Variants in KDM4C observed in about 807,000 individuals in gnomAD.
The protein encoded by KDM4C is lysine-specific demethylase 4C.
KDM4C carries 81 observed loss-of-function variants against 129.3 expected under a neutral mutation model. The observed-to-expected ratio is 0.63, with a 90% CI of 0.52 to 0.75. The LOEUF (loss-of-function observed/expected upper bound fraction) is 0.75. Among genes scored for constraint, KDM4C ranks in the 30% least tolerant of loss-of-function variants. The pLI, the probability that KDM4C is intolerant of heterozygous loss-of-function variation, is 0.00. For missense variants in KDM4C, 1,457 were observed against 1,304.0 expected (o/e 1.12, Z -1.81); for synonymous variants, 573 against 456.1 (o/e 1.26, Z -3.26).
intron 4 of KDM4C, chr9:6,818,966 A>C (rs1832581967): frequency 6.6e-6 from 1 of 152,134 alleles, no homozygotes; most frequent in Non-Finnish European, 1.5e-5. Context: ...TGTGCGTTGT[A>C]ACCTGGCAAA....
chr9:6,969,811 C>T (rs1352737825), intron 8 of KDM4C, among the ~76,000 whole-genome samples: 1 of 152,182 alleles, frequency 6.6e-6, no homozygotes, highest in Non-Finnish European at 1.5e-5. Flanking sequence ...ATCGATTCTG[C>T]CTAAGCTGGT....
chr9:6,920,302 A>G (rs1478439127), intron 8 of KDM4C, among the ~76,000 whole-genome samples: 1 of 152,170 alleles, frequency 6.6e-6, no homozygotes, highest in East Asian at 1.9e-4. Flanking sequence ...AGAAAATAAA[A>G]AAACAGTCTT....
chr9:6,867,986 G>A (rs946927), intron 5 of KDM4C, among the ~76,000 whole-genome samples: 141,780 of 152,186 alleles, frequency 0.93, 66,531 homozygotes, highest in Non-Finnish European at 0.99. Context: ...CTTTGGAAAA[G>A]CTTTAACACA....
intron 17 of KDM4C, chr9:7,076,918 A>G: frequency 2.0e-6 from 2 of 986,734 alleles, no homozygotes; most frequent in Non-Finnish European, 2.4e-6. Context: ...AGGCATTATA[A>G]TAGGAGTCTC....
At position 6,911,546 on chromosome 9, in the gene KDM4C, G is replaced by A. The variant is rs187136956; in HGVS notation, c.921+18314G>A. ...ATAGTGTTAAATAGTTGAAATTCAT[G>A]CCTGTCCTTCATGATACATTTCACT... On this transcript the variant is annotated intron_variant, in intron 8 of 21. Transcript: ENST00000381309. 1.1e-3 allele frequency among the ~76,000 whole-genome samples: 167 copies of A among 152,294 alleles called. 1 individual carries two copies. The highest frequency in any genetic ancestry group is 3.8e-3 in the African/African-American group (157 of 41,570).
chr9:6,792,890 G>C (rs955043402), intron 1 of KDM4C, 82 bp from the exon 2 acceptor site: 1 of 1,352,946 alleles, frequency 7.4e-7, no homozygotes, highest in African/African-American at 1.4e-5. Context: ...GTTCCTGCTG[G>C]GGGAGCTGAC....
At chr9:6,927,176 C>G (rs1822782379) in intron 8 of KDM4C, among the ~76,000 whole-genome samples, 1 of 151,884 alleles carries the variant, frequency 6.6e-6, no homozygotes, top group Admixed American at 6.6e-5. Context: ...GTTGCCCTGG[C>G]TGTAGTGCAG....
intron 8 of KDM4C, among the ~76,000 whole-genome samples, chr9:6,961,113 A>G (rs1375486073): frequency 6.6e-6 from 1 of 152,230 alleles, no homozygotes; most frequent in Non-Finnish European, 1.5e-5. Flanking sequence ...GTTTGTTTAT[A>G]TTATGTCAGC....
chr9:6,995,900 C>T (rs995638946), intron 12 of KDM4C, among the ~76,000 whole-genome samples: 2 of 148,598 alleles, frequency 1.3e-5, no homozygotes, highest in African/African-American at 4.9e-5. Flanking sequence ...CTCGATCTGA[C>T]CTCGTGATCT....
intron 5 of KDM4C, among the ~76,000 whole-genome samples, chr9:6,865,233 C>CA (rs1434446938): frequency 2.0e-5 from 3 of 152,150 alleles, no homozygotes; most frequent in African/African-American, 7.2e-5. Flanking sequence ...TGGTCTCGAT[C>CA]TCCTGACCTC....
At chr9:6,832,927 G>T (rs1448009604) in intron 4 of KDM4C, among the ~76,000 whole-genome samples, 1 of 150,540 alleles carries the variant, frequency 6.6e-6, no homozygotes, top group Non-Finnish European at 1.5e-5. Flanking sequence ...GTAGAGATGG[G>T]GTTTCACCAT....
intron 6 of KDM4C, among the ~76,000 whole-genome samples, chr9:6,883,369 C>T (rs1844768014): frequency 6.6e-6 from 1 of 152,206 alleles, no homozygotes; most frequent in African/African-American, 2.4e-5. Flanking sequence ...CCTCTGCCTT[C>T]ATGCCTAACT....
chr9:6,767,145 T>A (rs1238343388), intron 1 of KDM4C, among the ~76,000 whole-genome samples: 1 of 152,070 alleles, frequency 6.6e-6, no homozygotes, highest in African/African-American at 2.4e-5. Context: ...TGCTTTTTTT[T>A]TATTCTTTTT....
At chr9:7,171,634 A>G (rs374066613) in intron 21 of KDM4C, among the ~76,000 whole-genome samples, 1 of 152,194 alleles carries the variant, frequency 6.6e-6, no homozygotes, top group East Asian at 1.9e-4. Flanking sequence ...GATTTCAAAT[A>G]CTGTTTCTTA....
At chr9:6,761,094 C>A (rs113799417) in intron 1 of KDM4C, among the ~76,000 whole-genome samples, 607 of 150,492 alleles carry the variant, frequency 4.0e-3, no homozygotes, top group Middle Eastern at 0.017. Flanking sequence ...ACTGCAACCT[C>A]TATCTCCCAG....
intron 18 of KDM4C, 85 bp downstream of exon 18, chr9:7,103,955 T>G: frequency 8.2e-7 from 1 of 1,223,710 alleles, no homozygotes. Context: ...ATAATGTGCT[T>G]TATTCTGTAA....
intron 17 of KDM4C, among the ~76,000 whole-genome samples, chr9:7,077,590 C>G (rs907230051): frequency 6.6e-6 from 1 of 152,156 alleles, no homozygotes; most frequent in Non-Finnish European, 1.5e-5. Context: ...CACTAAGTGA[C>G]AGAACTGCTC....
At chr9:6,740,359 C>G (rs946768353) in intron 1 of KDM4C, among the ~76,000 whole-genome samples, 3 of 151,760 alleles carry the variant, frequency 2.0e-5, no homozygotes, top group Admixed American at 6.6e-5. Context: ...GCCCGTCACC[C>G]CACCTGGCTA....
intron 17 of KDM4C, among the ~76,000 whole-genome samples, chr9:7,086,676 G>A (rs565236359): frequency 1.3e-5 from 2 of 152,130 alleles, no homozygotes; most frequent in South Asian, 2.1e-4. Flanking sequence ...ACTGCTACGG[G>A]GTTACCAGCA....
Sources: gnomAD v4.1 joint callset for allele counts (sites outside exome capture counted in the v4.1 genomes callset) on GRCh38, gnomAD v4.1.1 for gene constraint, MANE v1.5 for transcripts, NCBI Gene and HGNC (gene_info 2026-07-23, HGNC 2026-07-21) for gene names.